Variants in GABRA2 observed in about 807,000 individuals in gnomAD.
GABRA2 encodes gamma-aminobutyric acid type A receptor subunit alpha2, also known as gamma-aminobutyric acid receptor subunit alpha-2.
Under a neutral mutation model 48.7 loss-of-function variants are expected in GABRA2, and 16 were observed. The observed-to-expected ratio is 0.33, with a 90% CI of 0.22 to 0.50. GABRA2 has a LOEUF of 0.50. Ranked by LOEUF, GABRA2 falls within the 20% of genes least tolerant of loss-of-function variation. The pLI, the probability that GABRA2 is intolerant of heterozygous loss-of-function variation, is 0.98. For missense variants in GABRA2, 275 were observed against 535.6 expected (o/e 0.51, Z 4.80); for synonymous variants, 185 against 184.5 (o/e 1.00, Z -0.02).
intron 8 of GABRA2, among the ~76,000 whole-genome samples, chr4:46,275,252 A>G (rs1386313173): frequency 6.6e-6 from 1 of 152,120 alleles, no homozygotes; most frequent in East Asian, 1.9e-4. Context: ...GCATAATTTG[A>G]TAGTGATGTT....
At chr4:46,315,420 T>C (rs1728384004) in intron 4 of GABRA2, among the ~76,000 whole-genome samples, 1 of 151,996 alleles carries the variant, frequency 6.6e-6, no homozygotes, top group Non-Finnish European at 1.5e-5. Context: ...GTGTCCTAGG[T>C]GTGCCCTGCC....
intron 3 of GABRA2, among the ~76,000 whole-genome samples, chr4:46,384,162 A>G (rs1267445515): frequency 6.6e-6 from 1 of 152,160 alleles, no homozygotes; most frequent in East Asian, 1.9e-4. Context: ...TCTGCCTCCA[A>G]GGAATATGTT....
intron 8 of GABRA2, among the ~76,000 whole-genome samples, chr4:46,277,729 G>A (rs527914098): frequency 6.1e-4 from 93 of 152,260 alleles, no homozygotes; most frequent in African/African-American, 2.2e-3. Flanking sequence ...CAGGGACCGG[G>A]CAGGAAAGAT....
At chr4:46,346,052 T>C (rs1734090425) in intron 3 of GABRA2, among the ~76,000 whole-genome samples, 1 of 151,938 alleles carries the variant, frequency 6.6e-6, no homozygotes, top group African/African-American at 2.4e-5. Context: ...AGTTAGTCAT[T>C]GCTGTGCTTT....
intron 4 of GABRA2, among the ~76,000 whole-genome samples, chr4:46,322,131 A>G (rs1319793023): frequency 6.6e-6 from 1 of 151,980 alleles, no homozygotes; most frequent in Non-Finnish European, 1.5e-5. Context: ...GAAAAAGAAG[A>G]GGAAGAGTAG....
intron 8 of GABRA2, among the ~76,000 whole-genome samples, chr4:46,291,445 G>C (rs927637848): frequency 2.0e-5 from 3 of 152,102 alleles, no homozygotes; most frequent in East Asian, 1.9e-4. Flanking sequence ...TCCTGGGTGC[G>C]TCTGTGAGGG....
intron 4 of GABRA2, among the ~76,000 whole-genome samples, chr4:46,330,591 T>TATATATATATATAGAGAG (rs1411755120): frequency 1.9e-4 from 23 of 122,680 alleles, no homozygotes; most frequent in Admixed American, 1.4e-3. Flanking sequence ...TATATATATA[T>TATATATATATATAGAGAG]AGAGAGAGAG....
At chr4:46,311,746 C>G (rs1262155670) in intron 5 of GABRA2, among the ~76,000 whole-genome samples, 5 of 152,154 alleles carry the variant, frequency 3.3e-5, no homozygotes, top group African/African-American at 1.2e-4. Flanking sequence ...ATGAAGCTTT[C>G]TCTCTGAATT....
intron 3 of GABRA2, among the ~76,000 whole-genome samples, chr4:46,378,607 G>A (rs1265237166): frequency 6.6e-6 from 1 of 151,206 alleles, no homozygotes; most frequent in African/African-American, 2.4e-5. Flanking sequence ...CTATTGTCCT[G>A]TGACCCTGCC....
chr4:46,270,245 A>G (rs1296434537), intron 8 of GABRA2, among the ~76,000 whole-genome samples: 1 of 152,032 alleles, frequency 6.6e-6, no homozygotes. Flanking sequence ...CTTTCTGTCT[A>G]GATCCGCTCC....
chr4:46,299,288 A>T (rs1191678228), intron 8 of GABRA2, among the ~76,000 whole-genome samples: 1 of 151,794 alleles, frequency 6.6e-6, no homozygotes, highest in Non-Finnish European at 1.5e-5. Flanking sequence ...TACACTTTTT[A>T]AAAATTGCTC....
chr4:46,298,553 C>T (rs2109590861), intron 8 of GABRA2, among the ~76,000 whole-genome samples: 1 of 152,066 alleles, frequency 6.6e-6, no homozygotes, highest in East Asian at 1.9e-4. Flanking sequence ...TGCTATAGAT[C>T]ACTTTATTGT....
In GABRA2 at chr4:46,301,686, T is replaced by A. The variant is rs117483953; in HGVS notation, c.856+1774A>T. On this transcript the variant is annotated intron_variant, in intron 8 of 9. Coordinates refer to ENST00000381620, the MANE Select transcript of GABRA2 (RefSeq NM_000807.4). ...ATGGTAACTCAGCCACTTACTCAGC[T>A]CTAGGAAGGATCCATGCTGTTGTTT... Among the ~76,000 whole-genome samples the A allele has an allele frequency of 4.6e-5, 7 of 152,326 alleles. No individual in the cohort carries two copies. The East Asian group carries it at 9.6e-4, about 21-fold the overall frequency.
intron 7 of GABRA2, 55 bp from the exon 8 acceptor site, chr4:46,303,667 A>G: frequency 6.8e-7 from 1 of 1,463,424 alleles, no homozygotes; most frequent in Non-Finnish European, 9.5e-7. Context: ...TTGAACATTT[A>G]GGAAATAGAA....
chr4:46,359,922 A>G (rs1483933564), intron 3 of GABRA2, among the ~76,000 whole-genome samples: 1 of 114,290 alleles, frequency 8.7e-6, no homozygotes, highest in Non-Finnish European at 2.0e-5. Context: ...ATCTCAAAAA[A>G]CAAAAAAAAA....
At chr4:46,287,317 A>C (rs1324477443) in intron 8 of GABRA2, among the ~76,000 whole-genome samples, 1 of 152,010 alleles carries the variant, frequency 6.6e-6, no homozygotes, top group Non-Finnish European at 1.5e-5. Flanking sequence ...TTGGCTATTC[A>C]GGCTCTTTTT....
chr4:46,320,107 A>C (rs2109744706), intron 4 of GABRA2, among the ~76,000 whole-genome samples: 1 of 151,952 alleles, frequency 6.6e-6, no homozygotes, highest in Non-Finnish European at 1.5e-5. Flanking sequence ...TAGATCAATA[A>C]ATGGACATTA....
intron 6 of GABRA2, among the ~76,000 whole-genome samples, chr4:46,309,742 A>G (rs1166320769): frequency 6.6e-6 from 1 of 152,174 alleles, no homozygotes; most frequent in Non-Finnish European, 1.5e-5. Context: ...TAGTTACAGT[A>G]GAAGACAATG....
intron 8 of GABRA2, among the ~76,000 whole-genome samples, chr4:46,274,658 G>T (rs372296003): frequency 6.6e-6 from 1 of 151,994 alleles, no homozygotes; most frequent in African/African-American, 2.4e-5. Flanking sequence ...ATAAGCATAC[G>T]TGCCTTAAAT....
Sources: allele counts gnomAD v4.1 joint callset (sites outside exome capture counted in the v4.1 genomes callset), GRCh38; gene constraint gnomAD v4.1.1; transcripts MANE v1.5; gene names NCBI Gene and HGNC (gene_info 2026-07-23, HGNC 2026-07-21).